AAMDC: variants seen among roughly 807,000 people sequenced by gnomAD.
AAMDC encodes the protein adipogenesis associated Mth938 domain containing.
Under a neutral mutation model 15.5 loss-of-function variants are expected in AAMDC, and 16 were observed. The ratio of observed to expected loss-of-function variants is 1.03; its 90% confidence interval spans 0.70 to 1.57. The LOEUF is 1.57. Ranked by LOEUF, AAMDC falls within the 40% of genes most tolerant of loss-of-function variation. The pLI, the probability that AAMDC is intolerant of heterozygous loss-of-function variation, is 0.00. For missense variants in AAMDC, 141 were observed against 144.9 expected (o/e 0.97, Z 0.14); for synonymous variants, 51 against 51.6 (o/e 0.99, Z 0.05).
intron 1 of AAMDC, among the ~76,000 whole-genome samples, chr11:77,837,797 C>G (rs540801191): frequency 6.6e-6 from 1 of 152,050 alleles, no homozygotes; most frequent in African/African-American, 2.4e-5. Context: ...TGGCTCATGC[C>G]TATAATGCAA....
intron 1 of AAMDC, among the ~76,000 whole-genome samples, chr11:77,823,546 G>C (rs2136022516): frequency 7.0e-6 from 1 of 143,014 alleles, no homozygotes; most frequent in South Asian, 2.2e-4. Flanking sequence ...CCTGGGCAAG[G>C]TAGTGAGACC....
At chr11:77,842,766 T>C in intron 2 of AAMDC, 138 bp downstream of exon 2, 1 of 1,205,784 alleles carries the variant, frequency 8.3e-7, no homozygotes, top group Non-Finnish European at 1.2e-6. Context: ...AAATTCACCC[T>C]TTTAAAGTAT....
At chr11:77,833,137 G>C (rs1949531735) in intron 1 of AAMDC, among the ~76,000 whole-genome samples, 1 of 150,482 alleles carries the variant, frequency 6.6e-6, no homozygotes, top group Admixed American at 6.7e-5. Context: ...CGGCTTTGGA[G>C]TAGCTGGGAC....
intron 1 of AAMDC, among the ~76,000 whole-genome samples, chr11:77,831,694 CT>C (rs532912432): frequency 0.1 from 14,212 of 135,882 alleles, 833 homozygotes; most frequent in Non-Finnish European, 0.15. Context: ...ACTTAGGTAT[CT>C]TTTTTTTTTT....
At chr11:77,860,073 G>T (rs1189103902) in intron 2 of AAMDC, among the ~76,000 whole-genome samples, 3 of 152,224 alleles carry the variant, frequency 2.0e-5, no homozygotes, top group Non-Finnish European at 2.9e-5. Context: ...GTATGCCACA[G>T]GTTGCAAGCT....
intron 5 of AAMDC, among the ~76,000 whole-genome samples, chr11:77,879,924 T>C (rs1378761085): frequency 2.0e-5 from 3 of 152,142 alleles, no homozygotes; most frequent in Non-Finnish European, 4.4e-5. Flanking sequence ...AGAAAGACTG[T>C]CACAATCTTG....
chr11:77,848,602 C>T (rs777855063), intron 2 of AAMDC, among the ~76,000 whole-genome samples: 2 of 152,068 alleles, frequency 1.3e-5, no homozygotes, highest in South Asian at 2.1e-4. Context: ...TCAGGTGATC[C>T]GCCTGCTTTG....
At chr11:77,872,002 C>A (rs149636536) in intron 3 of AAMDC, 173 bp from the exon 4 acceptor site, 31 of 487,738 alleles carry the variant, frequency 6.4e-5, no homozygotes, top group Admixed American at 1.2e-4. Context: ...GACAAAGAGG[C>A]CTTTTTGACT....
In AAMDC at chr11:77,833,053, C is replaced by T. The variant is rs192671949; in HGVS notation, c.-18-9426C>T. Among the ~76,000 whole-genome samples the T allele has an allele frequency of 3.8e-5, 5 of 130,846 alleles. No individual in the cohort carries two copies. The East Asian group carries it at 9.1e-4, about 24-fold the overall frequency. The allele number at this position is 130,846 out of a possible 152,430, so 85.8% of individuals were successfully genotyped here. Reference sequence around the variant, plus strand: ...TTGAGACAGGGTCTCATTCTGTCACCCAGGCTGGAGTGCAATGGCAGATCT... The same window carrying T: ...TTGAGACAGGGTCTCATTCTGTCACTCAGGCTGGAGTGCAATGGCAGATCT... On this transcript the variant is annotated intron_variant, in intron 1 of 3. Coordinates refer to ENST00000393427, the MANE Select transcript of AAMDC (RefSeq NM_024684.4).
At chr11:77,876,027 G>C (rs1248260684), downstream of AAMDC, among the ~76,000 whole-genome samples, 1 of 152,126 alleles carries the variant, frequency 6.6e-6, no homozygotes, top group Admixed American at 6.5e-5. Flanking sequence ...GCAGGGGAAT[G>C]GTGTGGTCAG....
downstream of AAMDC, among the ~76,000 whole-genome samples, chr11:77,903,194 T>C (rs1429132948): frequency 6.6e-6 from 1 of 152,266 alleles, no homozygotes. Flanking sequence ...AAGTGAGTGC[T>C]GTGTCTCCTA....
At chr11:77,899,499 C>T (rs964492788) in intron 5 of AAMDC, among the ~76,000 whole-genome samples, 5 of 151,704 alleles carry the variant, frequency 3.3e-5, no homozygotes, top group Non-Finnish European at 5.9e-5. Flanking sequence ...TGGTGAAACC[C>T]GTCTCTACTG....
intron 2 of AAMDC, 135 bp downstream of exon 2, chr11:77,842,763 C>T: frequency 2.4e-6 from 3 of 1,258,148 alleles, no homozygotes; most frequent in South Asian, 2.9e-5. Flanking sequence ...ATTAAATTCA[C>T]CCTTTTAAAG....
At chr11:77,853,993 C>CT (rs571437470) in intron 2 of AAMDC, among the ~76,000 whole-genome samples, 83,481 of 138,180 alleles carry the variant, frequency 0.6, 25,689 homozygotes, top group East Asian at 0.71. Context: ...CCTCCAAATT[C>CT]TTTTTTTTTT....
At chr11:77,886,441 G>A (rs149996210) in intron 5 of AAMDC, among the ~76,000 whole-genome samples, 45 of 151,736 alleles carry the variant, frequency 3.0e-4, no homozygotes, top group African/African-American at 1.1e-3. Context: ...GCGAAGGCCC[G>A]CGGCGGGTGT....
At chr11:77,854,872 G>A (rs1001993204) in intron 2 of AAMDC, among the ~76,000 whole-genome samples, 1 of 152,164 alleles carries the variant, frequency 6.6e-6, no homozygotes, top group Non-Finnish European at 1.5e-5. Flanking sequence ...TGAGGGCTAC[G>A]CACCCCCAGC....
chr11:77,840,406 G>C (rs1949878979), intron 1 of AAMDC, among the ~76,000 whole-genome samples: 1 of 152,132 alleles, frequency 6.6e-6, no homozygotes, highest in African/African-American at 2.4e-5. Context: ...GCACATGCCT[G>C]TAATCCCAGC....
chr11:77,838,346 G>A (rs1949782739), intron 1 of AAMDC, among the ~76,000 whole-genome samples: 1 of 152,180 alleles, frequency 6.6e-6, no homozygotes, highest in Admixed American at 6.6e-5. Flanking sequence ...GTAGACTAGT[G>A]TATATATGAG....
chr11:77,829,008 A>G (rs1361607264), intron 1 of AAMDC, among the ~76,000 whole-genome samples: 1 of 152,266 alleles, frequency 6.6e-6, no homozygotes, highest in East Asian at 1.9e-4. Context: ...GATTGTGTGT[A>G]GTAATGGCAT....
Sources: allele counts gnomAD v4.1 joint callset (sites outside exome capture counted in the v4.1 genomes callset), GRCh38; gene constraint gnomAD v4.1.1; transcripts MANE v1.5; gene names NCBI Gene and HGNC (gene_info 2026-07-23, HGNC 2026-07-21).